Variants in DPP8 observed in about 807,000 individuals in gnomAD.
DPP8 encodes dipeptidyl peptidase 8, also known as DPP VIII.
In DPP8, 31 loss-of-function variants were observed where a neutral mutation model predicts 107.5. The observed-to-expected ratio is 0.29, with a 90% CI of 0.22 to 0.39. The LOEUF is 0.39. Among genes scored for constraint, DPP8 ranks in the 10% least tolerant of loss-of-function variants. The pLI is 1.00. For missense variants in DPP8, 842 were observed against 1,076.1 expected, an observed-to-expected ratio of 0.78 and a Z score of 3.04; for synonymous variants, 381 against 356.6, an observed-to-expected ratio of 1.07 and a Z score of -0.77.
chr15:65,481,621 A>T lies in DPP8; in HGVS notation c.1018-6T>A, dbSNP rs781286946. The T allele has an allele frequency of 1.6e-6, 2 of 1,267,086 alleles. No individual in the cohort carries two copies. The highest frequency in any genetic ancestry group is 2.2e-6 in the Non-Finnish European group (2 of 909,224). The allele number at this position is 1,267,086 out of a possible 1,614,324, so 78.5% of individuals were successfully genotyped here. A position where few individuals can be genotyped will look rare whatever the true frequency, so the allele number is the denominator to read the frequency against. The stretch of plus-strand genomic sequence containing the variant: ...TTATCTATGACATCTATGATCTATT[A>T]AAAAAGAAAAAAAAAGAATCTAGTT... On this transcript the variant is annotated splice_region_variant and splice_polypyrimidine_tract_variant and intron_variant, in intron 8 of 19. Coordinates refer to ENST00000300141, the MANE Select transcript of DPP8 (RefSeq NM_130434.5).
intron 4 of DPP8, among the ~76,000 whole-genome samples, chr15:65,499,070 A>AGTGTGTGTGTGTGTGTGTGTGTGTGT (rs56047613): frequency 6.2e-5 from 8 of 129,686 alleles, no homozygotes; most frequent in Admixed American, 2.5e-4. Context: ...CCAAAAAAAA[A>AGTGTGTGTGTGTGTGTGTGTGTGTGT]GTGTGTGTGT....
intron 3 of DPP8, among the ~76,000 whole-genome samples, chr15:65,506,652 A>C (rs974335220): frequency 1.3e-4 from 19 of 148,706 alleles, no homozygotes; most frequent in African/African-American, 4.7e-4. Flanking sequence ...TATATAAAAT[A>C]TATAAACATA....
At position 65,511,170 on chromosome 15, in the gene DPP8, C is replaced by G. The variant is rs143285819; in HGVS notation, c.259+1125G>C. On this transcript the variant is annotated intron_variant, in intron 2 of 19. Coordinates refer to ENST00000300141, the MANE Select transcript of DPP8 (RefSeq NM_130434.5). The stretch of plus-strand genomic sequence containing the variant: ...TGATCTAATACAGTGATATTCACTT[C>G]CTCATCTTTTGTAACAACAGATTAG... Among the ~76,000 whole-genome samples the G allele has an allele frequency of 9.8e-3, 1,497 of 152,246 alleles. 19 individuals are homozygous for G. The highest frequency in any genetic ancestry group is 0.046 in the South Asian group (223 of 4,824).
intron 10 of DPP8, among the ~76,000 whole-genome samples, chr15:65,479,459 C>G (rs928357044): frequency 5.3e-5 from 8 of 152,108 alleles, no homozygotes; most frequent in African/African-American, 1.9e-4. Flanking sequence ...TCATATGAAG[C>G]TTATATTCAG....
intron 19 of DPP8, among the ~76,000 whole-genome samples, chr15:65,448,902 A>T (rs1288517674): frequency 6.0e-5 from 5 of 82,988 alleles, no homozygotes; most frequent in African/African-American, 2.3e-4. Context: ...ATATATATAT[A>T]TATATATATA....
intron 3 of DPP8, chr15:65,502,874 T>C (rs1041231327): frequency 1.4e-4 from 20 of 143,836 alleles, no homozygotes; most frequent in Non-Finnish European, 3.1e-4. Context: ...GTAGTAAATT[T>C]AACCAAAGAA....
At chr15:65,475,535 C>G in intron 11 of DPP8, 1 of 1,340,086 alleles carries the variant, frequency 7.5e-7, no homozygotes, top group Non-Finnish European at 1.1e-6. Flanking sequence ...AAAACCAGCC[C>G]GGTGCAATCC....
intron 12 of DPP8, among the ~76,000 whole-genome samples, chr15:65,469,164 G>A (rs983547404): frequency 8.6e-5 from 13 of 151,606 alleles, no homozygotes; most frequent in African/African-American, 2.9e-4. Context: ...GAGTAGAGAC[G>A]GGGTTTCACC....
intron 3 of DPP8, 52 bp downstream of exon 3, chr15:65,507,191 C>T (rs1179725741): frequency 5.3e-6 from 5 of 951,052 alleles, no homozygotes; most frequent in African/African-American, 3.4e-5. Context: ...TAAATAAATG[C>T]AGTATCTGAA....
chr15:65,499,554 A>T (rs148820705), intron 4 of DPP8, among the ~76,000 whole-genome samples: 92 of 151,036 alleles, frequency 6.1e-4, no homozygotes, highest in African/African-American at 2.1e-3. Flanking sequence ...AAGTATTTTT[A>T]CCACTTTAAA....
intron 15 of DPP8, among the ~76,000 whole-genome samples, chr15:65,462,009 C>G (rs1384399431): frequency 6.6e-6 from 1 of 151,906 alleles, no homozygotes; most frequent in Non-Finnish European, 1.5e-5. Context: ...TACTCTGTTG[C>G]CTGGGCTGCA....
chr15:65,501,169 G>A (rs1400634311), intron 3 of DPP8, among the ~76,000 whole-genome samples: 1 of 151,996 alleles, frequency 6.6e-6, no homozygotes, highest in Non-Finnish European at 1.5e-5. Context: ...GAGACACCGC[G>A]CCTGGCGACT....
At chr15:65,471,776 C>G (rs1161764499) in intron 12 of DPP8, among the ~76,000 whole-genome samples, 1 of 152,150 alleles carries the variant, frequency 6.6e-6, no homozygotes, top group Non-Finnish European at 1.5e-5. Context: ...GTTTGAGCTA[C>G]CATGCCCAGC....
At chr15:65,460,472 A>C (rs1023846835) in intron 15 of DPP8, among the ~76,000 whole-genome samples, 107 of 139,942 alleles carry the variant, frequency 7.6e-4, no homozygotes, top group African/African-American at 2.7e-3. Flanking sequence ...CAAAGCACTC[A>C]AACACTCCCC....
At chr15:65,464,055 GTA>G in intron 14 of DPP8, 149 bp from the exon 15 acceptor site, 1 of 615,034 alleles carries the variant, frequency 1.6e-6, no homozygotes, top group Admixed American at 3.5e-5. Context: ...TTAAGCAAGA[GTA>G]TATTCATCTT....
chr15:65,464,043 A>AT (rs1276569164), intron 14 of DPP8, 137 bp from the exon 15 acceptor site: 2 of 646,312 alleles, frequency 3.1e-6, no homozygotes, highest in Non-Finnish European at 5.0e-6. Context: ...ATAAGCTAGA[A>AT]TTTAAGCAAG....
chr15:65,447,892 A>G (rs546261145), intron 19 of DPP8, among the ~76,000 whole-genome samples: 2 of 152,324 alleles, frequency 1.3e-5, no homozygotes, highest in Non-Finnish European at 2.9e-5. Flanking sequence ...CGATGAGCTC[A>G]GTAGTAATAT....
At chr15:65,452,408 A>T (rs536890445) in intron 17 of DPP8, among the ~76,000 whole-genome samples, 148 of 152,294 alleles carry the variant, frequency 9.7e-4, no homozygotes, top group African/African-American at 3.2e-3. Flanking sequence ...CTACTGAGGA[A>T]AAAACGTGTG....
At chr15:65,496,517 G>C (rs1431050001) in intron 5 of DPP8, among the ~76,000 whole-genome samples, 1 of 152,146 alleles carries the variant, frequency 6.6e-6, no homozygotes, top group Non-Finnish European at 1.5e-5. Context: ...ACATCTCTCT[G>C]TGCTTTGAAT....
Sources: gnomAD v4.1 joint callset for allele counts (sites outside exome capture counted in the v4.1 genomes callset) on GRCh38, gnomAD v4.1.1 for gene constraint, MANE v1.5 for transcripts, NCBI Gene and HGNC (gene_info 2026-07-23, HGNC 2026-07-21) for gene names.